SBF2: variants seen among roughly 807,000 people sequenced by gnomAD.
SBF2 encodes SET binding factor 2.
In SBF2, 112 loss-of-function variants were observed where a neutral mutation model predicts 225.2. The observed-to-expected ratio is 0.50, with a 90% confidence interval of 0.43 to 0.58. The LOEUF (loss-of-function observed/expected upper bound fraction) is 0.58, where lower values mean the gene tolerates loss of function less well. Among genes scored for constraint, SBF2 ranks in the 20% least tolerant of loss-of-function variants. SBF2 has a pLI of 0.00. For missense variants in SBF2, 1,996 were observed against 2,206.2 expected (o/e 0.90, Z 1.91); for synonymous variants, 763 against 773.3 (o/e 0.99, Z 0.22).
intron 25 of SBF2, 84 bp downstream of exon 25, chr11:9,842,541 A>C: frequency 7.1e-7 from 1 of 1,410,600 alleles, no homozygotes; most frequent in Non-Finnish European, 1.0e-6. Flanking sequence ...TTGTGAATCA[A>C]GATGTAAGTG....
chr11:10,295,752 A>G (rs1964499259), upstream of SBF2, among the ~76,000 whole-genome samples: 1 of 151,936 alleles, frequency 6.6e-6, no homozygotes. Context: ...GTTCTTCCTT[A>G]TTATTTCAGA....
intron 2 of SBF2, among the ~76,000 whole-genome samples, chr11:10,159,356 C>T (rs1955619892): frequency 6.6e-6 from 1 of 152,208 alleles, no homozygotes; most frequent in Non-Finnish European, 1.5e-5. Flanking sequence ...GTTTAGGAGT[C>T]ATACAGCTGG....
intron 2 of SBF2, among the ~76,000 whole-genome samples, chr11:10,185,222 A>G (rs1956891013): frequency 6.6e-6 from 1 of 152,168 alleles, no homozygotes; most frequent in Non-Finnish European, 1.5e-5. Context: ...CAATGCTACT[A>G]TAAACATGTG....
At position 9,785,145 on chromosome 11, in the gene SBF2, T is replaced by G. The variant is rs760794880; in HGVS notation, c.5211A>C (p.Thr1737=). The G allele has an allele frequency of 1.9e-6, 3 of 1,613,012 alleles. No individual in the cohort carries two copies. In the African/African-American group the frequency reaches 4.0e-5, roughly 22 times the overall value. The part of the protein sequence containing the change: ...RRAATLYSQY[T]SKNDENRSFE... ...GTCACCTGTTTTCATCATTCTTGGA[T>G]GTATACTGGCTATAGAGCGTGGCTG... Residue 1737 remains threonine (T), a synonymous_variant, in exon 37 of 40, where the codon ACA becomes ACC. Coordinates refer to ENST00000256190, the MANE Select transcript of SBF2 (RefSeq NM_030962.4).
chr11:10,051,100 T>C (rs1950045223), intron 2 of SBF2, among the ~76,000 whole-genome samples: 1 of 152,106 alleles, frequency 6.6e-6, no homozygotes, highest in Non-Finnish European at 1.5e-5. Flanking sequence ...AAAATGTCCA[T>C]AGCACTGTGA....
At chr11:10,001,727 C>T (rs751849589) in intron 7 of SBF2, among the ~76,000 whole-genome samples, 26 of 151,936 alleles carry the variant, frequency 1.7e-4, no homozygotes, top group Non-Finnish European at 3.2e-4. Context: ...GGGGTTTCAC[C>T]GTGTTAGCCA....
intron 13 of SBF2, among the ~76,000 whole-genome samples, chr11:9,978,909 G>C (rs960975194): frequency 6.6e-6 from 1 of 152,210 alleles, no homozygotes; most frequent in Non-Finnish European, 1.5e-5. Context: ...TGAGGTAGGA[G>C]GATTGCTGGA....
Position 9,829,469 on chromosome 11 carries a change from C to T in SBF2, c.3680G>A (p.Ser1227Asn), listed in dbSNP as rs1261598853. The T allele has an allele frequency of 6.2e-7, 1 of 1,612,734 alleles. No individual in the cohort carries two copies. Among genetic ancestry groups the T allele is most frequent in the Non-Finnish European group, 8.5e-7 (1 of 1,178,774 alleles). Residue 1227 changes from serine (S) to asparagine (N), a missense_variant, in exon 28 of 40, where the codon AGT becomes AAT. Transcript: ENST00000256190. Reference sequence around the variant, plus strand: ...CAAGTATTTCTCTTGTTCTATGCTACTGGAAGATTCTAAAGAGGAGGTAGG... The same window carrying T: ...CAAGTATTTCTCTTGTTCTATGCTATTGGAAGATTCTAAAGAGGAGGTAGG... ...AAPTSSLESSSSIEQEKYLQA... is the reference protein window; with the variant it reads ...AAPTSSLESSNSIEQEKYLQA...
At chr11:10,077,317 G>A (rs554054087) in intron 2 of SBF2, among the ~76,000 whole-genome samples, 2 of 152,184 alleles carry the variant, frequency 1.3e-5, no homozygotes, top group Admixed American at 1.3e-4. Flanking sequence ...AAGTTCATAT[G>A]GACCCCAAAA....
rs562839667 is a variant in SBF2 at position 10,177,170 on chromosome 11, T to C, written c.141+16732A>G. Among the ~76,000 whole-genome samples, 5 of 152,002 alleles carry C rather than the reference T, an allele frequency of 3.3e-5. No individual in the cohort carries two copies. In the South Asian group the frequency reaches 8.3e-4, roughly 25 times the overall value. On this transcript the variant is annotated intron_variant, in intron 2 of 39. Transcript: ENST00000256190. ...TTCATGCTAAAAACTCTCAATAAAT[T>C]AGGTATTGATGGGACGTATCTCAAA...
chr11:10,286,351 G>GTT (rs34975719), intron 1 of SBF2, among the ~76,000 whole-genome samples: 69,184 of 142,356 alleles, frequency 0.49, 17,076 homozygotes, highest in Non-Finnish European at 0.54. Flanking sequence ...TTGTTCTTTG[G>GTT]TTTTTTTTTT....
rs536320758 is a variant in SBF2, at chr11:9,793,258, T to C, written c.4570+2573A>G. ...TGTTTAGTTTTTCAGATGAGAAAAC[T>C]GAGACTCAGAGATGAAGTAATTTAC... On this transcript the variant is annotated intron_variant, in intron 33 of 39. Coordinates refer to ENST00000256190, the MANE Select transcript of SBF2 (RefSeq NM_030962.4). Among the ~76,000 whole-genome samples, 3 of 152,324 alleles carry C rather than the reference T, an allele frequency of 2.0e-5. No individual in the cohort carries two copies. In the South Asian group the frequency reaches 6.2e-4, roughly 32 times the overall value.
intron 29 of SBF2, among the ~76,000 whole-genome samples, chr11:9,816,446 T>C (rs895728126): frequency 2.0e-5 from 3 of 152,194 alleles, no homozygotes; most frequent in Non-Finnish European, 4.4e-5. Context: ...TTCTGTAGCC[T>C]GCTTTAGGTT....
chr11:10,003,568 C>T (rs1247718572), intron 6 of SBF2, among the ~76,000 whole-genome samples: 1 of 151,976 alleles, frequency 6.6e-6, no homozygotes. Flanking sequence ...GGGGTTTCAC[C>T]GTGTTAAGCA....
intron 16 of SBF2, among the ~76,000 whole-genome samples, chr11:9,898,855 A>G (rs1861487881): frequency 6.6e-6 from 1 of 152,208 alleles, no homozygotes; most frequent in Non-Finnish European, 1.5e-5. Flanking sequence ...GAATAAGTGA[A>G]TAAATAAAGG....
At chr11:10,035,293 C>T (rs183683635) in intron 3 of SBF2, among the ~76,000 whole-genome samples, 19 of 152,170 alleles carry the variant, frequency 1.2e-4, no homozygotes, top group Admixed American at 3.9e-4. Context: ...AAACGTAAGA[C>T]CTAAAACCAT....
intron 33 of SBF2, among the ~76,000 whole-genome samples, chr11:9,793,084 T>C (rs929269176): frequency 6.6e-6 from 1 of 151,996 alleles, no homozygotes; most frequent in African/African-American, 2.4e-5. Flanking sequence ...AGCCTGTGTT[T>C]ATGAGTTTTA....
intron 16 of SBF2, among the ~76,000 whole-genome samples, chr11:9,920,165 A>T (rs2134220228): frequency 6.6e-6 from 1 of 151,610 alleles, no homozygotes; most frequent in African/African-American, 2.4e-5. Context: ...CATAAGGCTC[A>T]AAACTGCAAA....
intron 14 of SBF2, among the ~76,000 whole-genome samples, chr11:9,967,949 C>CTGTCTGTCTGTCTG (rs1272756811): frequency 7.8e-4 from 80 of 102,114 alleles, no homozygotes; most frequent in African/African-American, 2.8e-3. Context: ...GTCTGTCTGT[C>CTGTCTGTCTGTCTG]TCTCTCTCTC....
Sources: gnomAD v4.1 joint callset for allele counts (sites outside exome capture counted in the v4.1 genomes callset) on GRCh38, gnomAD v4.1.1 for gene constraint, MANE v1.5 for transcripts, NCBI Gene and HGNC (gene_info 2026-07-23, HGNC 2026-07-21) for gene names.